FGF14: variants seen among roughly 807,000 people sequenced by gnomAD.
FGF14 encodes fibroblast growth factor 14, also known as fibroblast growth factor homologous factor 4.
A neutral mutation model predicts 25.5 loss-of-function variants in FGF14; 5 were observed. The observed-to-expected ratio is 0.20, with a 90% CI of 0.10 to 0.41. The LOEUF (loss-of-function observed/expected upper bound fraction) is 0.41. Ranked by LOEUF, FGF14 falls within the 10% of genes least tolerant of loss-of-function variation. The probability of loss-of-function intolerance (pLI) is 1.00; values close to 1 mark genes in which losing one functional copy is unlikely to be tolerated. For missense variants in FGF14, 222 were observed against 320.1 expected (o/e 0.69, Z 2.34); for synonymous variants, 138 against 118.3 (o/e 1.17, Z -1.08).
chr13:101,790,414 T>TC (rs1237142834), intron 3 of FGF14, among the ~76,000 whole-genome samples: 26 of 149,028 alleles, frequency 1.7e-4, no homozygotes, highest in Non-Finnish European at 2.7e-4. Context: ...ATTTTCTTTT[T>TC]TTTTTTTTTT....
At chr13:102,180,587 C>A (rs1453655981) in intron 1 of FGF14, among the ~76,000 whole-genome samples, 1 of 152,160 alleles carries the variant, frequency 6.6e-6, no homozygotes, top group Non-Finnish European at 1.5e-5. Context: ...GCCTGGATTA[C>A]AGGCGTGAGC....
chr13:102,036,062 G>A (rs764936125), intron 1 of FGF14, among the ~76,000 whole-genome samples: 4 of 152,124 alleles, frequency 2.6e-5, no homozygotes, highest in Non-Finnish European at 2.9e-5. Context: ...GGGGATGTGG[G>A]AGTGGGGAAA....
intron 1 of FGF14, among the ~76,000 whole-genome samples, chr13:102,109,879 C>T (rs2045132438): frequency 1.3e-5 from 2 of 152,104 alleles, no homozygotes; most frequent in Admixed American, 1.3e-4. Flanking sequence ...CTCGGCCTTC[C>T]AAAGTGCTAA....
rs529723712 is a variant in FGF14 at position 101,901,733 on chromosome 13, A to C, written c.193+14720T>G. 2.6e-5 allele frequency among the ~76,000 whole-genome samples: 4 copies of C among 152,072 alleles called. No homozygotes were observed. In the East Asian group the frequency reaches 7.7e-4, roughly 29 times the overall value. ...AACAAACAAATAAACAACCCAAAAA[A>C]CCCAACTAATCAAACAAACAGATAC... On this transcript the variant is annotated intron_variant, in intron 1 of 4. Coordinates refer to ENST00000376143, the MANE Select transcript of FGF14 (RefSeq NM_004115.4).
intron 1 of FGF14, among the ~76,000 whole-genome samples, chr13:102,283,043 G>A (rs2053923514): frequency 2.0e-5 from 3 of 152,142 alleles, no homozygotes; most frequent in Non-Finnish European, 2.9e-5. Flanking sequence ...AGCTTGTATG[G>A]TGGTTTCAAG....
At chr13:102,042,462 G>A (rs967519751) in intron 1 of FGF14, among the ~76,000 whole-genome samples, 16 of 152,196 alleles carry the variant, frequency 1.1e-4, no homozygotes, top group Non-Finnish European at 2.1e-4. Context: ...ACCTGTCACA[G>A]TAAGTACTTC....
rs1046029297 is a variant in FGF14, at chr13:101,902,808, C to G, written c.193+13645G>C. On this transcript the variant is annotated intron_variant, in intron 1 of 4. Transcript: ENST00000376143. ...GAAATTTCACTGGCTGACTGCTAAT[C>G]AGAAACACATTAGTCTAGCCTTCTT... Among the ~76,000 whole-genome samples the G allele has an allele frequency of 3.3e-5, 5 of 152,296 alleles. No individual in the cohort carries two copies. In the South Asian group the frequency reaches 1.0e-3, roughly 32 times the overall value.
At chr13:102,236,010 T>C (rs568638208) in intron 1 of FGF14, among the ~76,000 whole-genome samples, 30 of 152,244 alleles carry the variant, frequency 2.0e-4, no homozygotes, top group Non-Finnish European at 3.2e-4. Flanking sequence ...TAAATTCTTG[T>C]GGAAGATAAT....
upstream of FGF14, among the ~76,000 whole-genome samples, chr13:101,917,385 G>A (rs1459809186): frequency 6.7e-6 from 1 of 150,010 alleles, no homozygotes; most frequent in Non-Finnish European, 1.5e-5. Flanking sequence ...AAAATAATAA[G>A]AAAGAAAGCT....
intron 1 of FGF14, among the ~76,000 whole-genome samples, chr13:102,257,342 CTTTTT>C (rs71125058): frequency 1.6e-3 from 52 of 32,572 alleles, no homozygotes; most frequent in African/African-American, 5.6e-3. Flanking sequence ...CCTTTCTTTT[CTTTTT>C]TTTTTTTTTT....
intron 1 of FGF14, among the ~76,000 whole-genome samples, chr13:102,084,487 T>C (rs1007813062): frequency 6.6e-6 from 1 of 152,188 alleles, no homozygotes; most frequent in Non-Finnish European, 1.5e-5. Context: ...TTTCTTTTCC[T>C]TTTATAATAG....
intron 1 of FGF14, among the ~76,000 whole-genome samples, chr13:101,984,752 T>C (rs1309647111): frequency 6.6e-6 from 1 of 152,078 alleles, no homozygotes; most frequent in Non-Finnish European, 1.5e-5. Flanking sequence ...AAACAAATCA[T>C]GACAACTAAA....
chr13:101,764,801 A>G (rs1242617762), intron 3 of FGF14, among the ~76,000 whole-genome samples: 1 of 152,252 alleles, frequency 6.6e-6, no homozygotes, highest in Non-Finnish European at 1.5e-5. Flanking sequence ...CTTTATTTCC[A>G]AATAGTCTCA....
chr13:101,845,093 C>T (rs1370124501), intron 3 of FGF14, among the ~76,000 whole-genome samples: 8 of 151,936 alleles, frequency 5.3e-5, no homozygotes, highest in African/African-American at 9.7e-5. Flanking sequence ...ACTTTGCAAA[C>T]GTCAGGTAAT....
intron 1 of FGF14, among the ~76,000 whole-genome samples, chr13:102,099,091 G>A (rs955047001): frequency 6.6e-5 from 10 of 152,166 alleles, no homozygotes; most frequent in Non-Finnish European, 1.2e-4. Context: ...TTGCCAAGGG[G>A]GAGGGTCATT....
chr13:102,018,095 T>C (rs1372765049), intron 1 of FGF14, among the ~76,000 whole-genome samples: 2 of 152,190 alleles, frequency 1.3e-5, no homozygotes, highest in Non-Finnish European at 2.9e-5. Flanking sequence ...TCTTCTGTTT[T>C]CTTAAAAAGT....
At chr13:101,993,864 C>CA (rs2039038878) in intron 1 of FGF14, among the ~76,000 whole-genome samples, 1 of 151,482 alleles carries the variant, frequency 6.6e-6, no homozygotes, top group Non-Finnish European at 1.5e-5. Context: ...GGCACATGTA[C>CA]ACATATGTAA....
At chr13:102,222,846 G>T (rs2050674875) in intron 1 of FGF14, among the ~76,000 whole-genome samples, 1 of 152,094 alleles carries the variant, frequency 6.6e-6, no homozygotes, top group African/African-American at 2.4e-5. Flanking sequence ...TCCTCTAAGG[G>T]AATCTGTCCA....
chr13:102,052,382 G>A (rs1383165520), intron 1 of FGF14, among the ~76,000 whole-genome samples: 1 of 151,780 alleles, frequency 6.6e-6, no homozygotes. Flanking sequence ...AAATATCCAG[G>A]TACGAGAAGG....
Sources: gnomAD v4.1 joint callset for allele counts (sites outside exome capture counted in the v4.1 genomes callset) on GRCh38, gnomAD v4.1.1 for gene constraint, MANE v1.5 for transcripts, NCBI Gene and HGNC (gene_info 2026-07-23, HGNC 2026-07-21) for gene names.